ADCY8: variants seen among roughly 807,000 people sequenced by gnomAD.
ADCY8 encodes the protein adenylate cyclase 8.
A neutral mutation model predicts 119.7 loss-of-function variants in ADCY8; 51 were observed. The observed-to-expected ratio is 0.43, with a 90% CI of 0.34 to 0.54. The LOEUF is 0.54. ADCY8 is among the 20% of genes least tolerant of loss of function. ADCY8 has a pLI of 0.03. For missense variants in ADCY8, 1,383 were observed against 1,598.8 expected (o/e 0.87, Z 2.30); for synonymous variants, 665 against 651.0 (o/e 1.02, Z -0.33).
At chr8:130,908,650 A>T (rs994383959) in intron 6 of ADCY8, among the ~76,000 whole-genome samples, 1 of 152,204 alleles carries the variant, frequency 6.6e-6, no homozygotes, top group Non-Finnish European at 1.5e-5. Context: ...AATCATAAGT[A>T]GTATTATCTC....
In ADCY8 at chr8:130,817,366, A is replaced by C. The variant is rs1027207858; in HGVS notation, c.2755-3139T>G. ...CAAGTTCTAGAAACAATGAAAACTTAGTAGTAATAACTCCCAGTGTCCAGA... is the reference window on the plus strand; with the variant it reads ...CAAGTTCTAGAAACAATGAAAACTTCGTAGTAATAACTCCCAGTGTCCAGA... On this transcript the variant is annotated intron_variant, in intron 13 of 17. Transcript: ENST00000286355. 2.6e-5 allele frequency among the ~76,000 whole-genome samples: 4 copies of C among 152,372 alleles called. No individual in the cohort carries two copies. In the South Asian group the frequency reaches 8.3e-4, roughly 32 times the overall value.
chr8:130,857,501 G>C (rs959355095), intron 9 of ADCY8, among the ~76,000 whole-genome samples: 1 of 151,952 alleles, frequency 6.6e-6, no homozygotes, highest in Non-Finnish European at 1.5e-5. Flanking sequence ...CCTCTGACCC[G>C]TAGCATTTCT....
intron 7 of ADCY8, 42 bp from the exon 8 acceptor site, chr8:130,884,803 C>T (rs779211100): frequency 6.4e-7 from 1 of 1,573,698 alleles, no homozygotes; most frequent in East Asian, 2.2e-5. Context: ...CCTGCTAGTC[C>T]CCTTTAGATA....
intron 16 of ADCY8, among the ~76,000 whole-genome samples, chr8:130,784,463 G>A (rs189578097): frequency 1.3e-5 from 2 of 152,274 alleles, no homozygotes; most frequent in East Asian, 3.9e-4. Context: ...TTATATGAGA[G>A]AACTTTGTGC....
chr8:130,976,627 T>C (rs186269032), intron 2 of ADCY8, among the ~76,000 whole-genome samples: 116 of 152,294 alleles, frequency 7.6e-4, no homozygotes, highest in African/African-American at 2.6e-3. Flanking sequence ...TCTACTGAAA[T>C]TTAAAAAATA....
intron 7 of ADCY8, among the ~76,000 whole-genome samples, chr8:130,894,396 A>G (rs144089437): frequency 6.6e-6 from 1 of 152,222 alleles, no homozygotes; most frequent in Non-Finnish European, 1.5e-5. Flanking sequence ...CTTATCCCTT[A>G]TCAGTGGTCC....
intron 1 of ADCY8, among the ~76,000 whole-genome samples, chr8:131,011,917 G>T (rs906992553): frequency 7.9e-5 from 12 of 152,090 alleles, no homozygotes; most frequent in African/African-American, 2.9e-4. Context: ...GGACATAGTG[G>T]ACACACTAAA....
intron 2 of ADCY8, among the ~76,000 whole-genome samples, chr8:130,959,196 GCTCT>G (rs1281982677): frequency 1.3e-5 from 2 of 152,092 alleles, no homozygotes; most frequent in Non-Finnish European, 2.9e-5. Flanking sequence ...GCATTAACAT[GCTCT>G]CTATTTGAAT....
chr8:131,022,036 T>C (rs1167382762), intron 1 of ADCY8, among the ~76,000 whole-genome samples: 1 of 152,242 alleles, frequency 6.6e-6, no homozygotes, highest in Non-Finnish European at 1.5e-5. Context: ...AGTAGGGATC[T>C]GGGTAAAAAT....
At chr8:130,934,328 G>A (rs935672478) in intron 5 of ADCY8, among the ~76,000 whole-genome samples, 4 of 152,348 alleles carry the variant, frequency 2.6e-5, no homozygotes, top group African/African-American at 9.6e-5. Flanking sequence ...ATGGCAGAAG[G>A]TAAAGGGGAA....
At chr8:130,819,170 C>T (rs10103045) in intron 13 of ADCY8, among the ~76,000 whole-genome samples, 2 of 152,114 alleles carry the variant, frequency 1.3e-5, no homozygotes, top group African/African-American at 4.8e-5. Context: ...AGTCACATAG[C>T]TACTAAGTGG....
At chr8:130,992,430 T>TATATATATATATATA (rs1822623634) in intron 1 of ADCY8, among the ~76,000 whole-genome samples, 7 of 49,482 alleles carry the variant, frequency 1.4e-4, no homozygotes, top group African/African-American at 2.6e-4. Context: ...TATATATATA[T>TATATATATATATATA]TTGAGATAGG....
chr8:131,004,497 C>G (rs377053983), intron 1 of ADCY8, among the ~76,000 whole-genome samples: 2 of 152,272 alleles, frequency 1.3e-5, no homozygotes, highest in South Asian at 4.2e-4. Context: ...TTTGATCTCT[C>G]GACCTGTACT....
intron 2 of ADCY8, among the ~76,000 whole-genome samples, chr8:130,955,017 C>T (rs1038471892): frequency 2.0e-4 from 30 of 152,164 alleles, no homozygotes; most frequent in Non-Finnish European, 3.5e-4. Context: ...ATTTATTCAT[C>T]TAACAAATAT....
chr8:130,979,195 G>A (rs899996557), intron 2 of ADCY8, among the ~76,000 whole-genome samples: 2 of 152,164 alleles, frequency 1.3e-5, no homozygotes, highest in African/African-American at 2.4e-5. Context: ...CCTGAAGAAC[G>A]CACTATCCTC....
At chr8:130,920,982 C>A (rs1487182324) in intron 5 of ADCY8, among the ~76,000 whole-genome samples, 1 of 152,182 alleles carries the variant, frequency 6.6e-6, no homozygotes, top group East Asian at 1.9e-4. Flanking sequence ...ATTTTGTGAA[C>A]CAATTTCTTA....
rs957592174 is a variant in ADCY8 at position 130,786,468 on chromosome 8, A to G, written c.3061-993T>C. ...GGAACCTGTGCATATGTCAGGTTAC[A>G]TGACAAAAAGGACTTTGCAGAGCCT... On this transcript the variant is annotated intron_variant, in intron 15 of 17. Transcript: ENST00000286355. Among the ~76,000 whole-genome samples the G allele has an allele frequency of 3.9e-5, 6 of 152,206 alleles. No homozygotes were observed. In the South Asian group the frequency reaches 1.2e-3, roughly 31 times the overall value.
chr8:130,807,111 G>C (rs1815987161), intron 14 of ADCY8, among the ~76,000 whole-genome samples: 1 of 152,208 alleles, frequency 6.6e-6, no homozygotes, highest in African/African-American at 2.4e-5. Context: ...CTTAGTAGAG[G>C]ATTTTGAACA....
chr8:131,006,852 G>A (rs2130772681), intron 1 of ADCY8, among the ~76,000 whole-genome samples: 1 of 152,302 alleles, frequency 6.6e-6, no homozygotes, highest in South Asian at 2.1e-4. Context: ...AAGGCCAGAT[G>A]ACAACGTTTC....
Sources: gnomAD v4.1 joint callset for allele counts (sites outside exome capture counted in the v4.1 genomes callset) on GRCh38, gnomAD v4.1.1 for gene constraint, MANE v1.5 for transcripts, NCBI Gene and HGNC (gene_info 2026-07-23, HGNC 2026-07-21) for gene names.